ZFP64: variants seen among roughly 807,000 people sequenced by gnomAD.
ZFP64 encodes zinc finger protein 64.
ZFP64 carries 14 observed loss-of-function variants against 51.6 expected under a neutral mutation model. The observed-to-expected ratio is 0.27, with a 90% CI of 0.18 to 0.42. The LOEUF is 0.42. ZFP64 is among the 10% of genes least tolerant of loss of function. ZFP64 has a pLI of 1.00. For missense variants in ZFP64, 754 were observed against 906.8 expected, an observed-to-expected ratio of 0.83 and a Z score of 2.16; for synonymous variants, 375 against 361.4, an observed-to-expected ratio of 1.04 and a Z score of -0.43.
intron 6 of ZFP64, chr20:52,098,430 A>T: frequency 6.2e-7 from 1 of 1,613,546 alleles, no homozygotes; most frequent in Non-Finnish European, 8.5e-7. Context: ...GCAGGGTTTT[A>T]CTCTTACCTG....
At chr20:52,093,690 G>A (rs904334619) in intron 7 of ZFP64, among the ~76,000 whole-genome samples, 1 of 152,036 alleles carries the variant, frequency 6.6e-6, no homozygotes, top group Non-Finnish European at 1.5e-5. Context: ...TTGCAATTAG[G>A]GTAGTTAATA....
Position 52,152,381 on chromosome 20 carries a change from A to G in ZFP64, c.1811T>C (p.Ile604Thr). 1 of 1,614,208 alleles carries G rather than the reference A, an allele frequency of 6.2e-7. No individual in the cohort carries two copies. The highest frequency in any genetic ancestry group is 8.5e-7 in the Non-Finnish European group (1 of 1,180,042). The part of the protein sequence containing the change: ...PQEGSGNQTF[I>T]TSSGITCTDF... ...AGTGCAAGTAATACCCGAACTGGTA[A>G]TGAAAGTTTGATTGCCAGAGCCTTC... Residue 604 changes from isoleucine to threonine, a missense_variant, in exon 6 of 6, where the codon ATT (isoleucine) becomes ACT (threonine). This residue lies in a region of ZFP64 where 428 missense variants were observed against 472.4 expected (regional missense o/e 0.91). Transcript: ENST00000216923.
intron 5 of ZFP64, among the ~76,000 whole-genome samples, chr20:52,109,078 G>A (rs1414050098): frequency 6.6e-6 from 1 of 152,076 alleles, no homozygotes; most frequent in Non-Finnish European, 1.5e-5. Flanking sequence ...GCAAATTAAA[G>A]TGAAGAAGAC....
intron 5 of ZFP64, among the ~76,000 whole-genome samples, chr20:52,111,527 T>C (rs959172439): frequency 7.9e-4 from 120 of 152,150 alleles, no homozygotes; most frequent in Non-Finnish European, 1.1e-3. Flanking sequence ...CGATTTTTTT[T>C]TTTAATAGTT....
Position 52,151,929 on chromosome 20 carries a change from C to T in ZFP64, c.*217G>A. On this transcript the variant is annotated 3_prime_UTR_variant, in exon 6 of 6. Transcript: ENST00000216923. ...TCGTACACCTGTGGTCCCAGCTACTCGGAGGGCTGAGGCATGAGAATCGCT... is the reference window on the plus strand; with the variant it reads ...TCGTACACCTGTGGTCCCAGCTACTTGGAGGGCTGAGGCATGAGAATCGCT... 3.5e-6 allele frequency: 4 copies of T among 1,145,812 alleles called. No homozygotes were observed. Among genetic ancestry groups the T allele is most frequent in the Non-Finnish European group, 4.7e-6 (4 of 856,104 alleles). The allele number at this position is 1,145,812 out of a possible 1,614,324, so 71.0% of individuals were successfully genotyped here. A position where few individuals can be genotyped will look rare whatever the true frequency, so the allele number is the denominator to read the frequency against.
intron 5 of ZFP64, among the ~76,000 whole-genome samples, chr20:52,120,492 T>C (rs1190816283): frequency 6.6e-6 from 1 of 151,760 alleles, no homozygotes. Context: ...AGACACTGTG[T>C]GTTTTTTTCT....
intron 5 of ZFP64, among the ~76,000 whole-genome samples, chr20:52,115,008 T>G (rs540772308): frequency 3.2e-4 from 49 of 151,968 alleles, no homozygotes; most frequent in Admixed American, 2.2e-3. Flanking sequence ...CCATCCTGGC[T>G]AACACTGTGA....
chr20:52,137,044 T>G (rs551214621), intron 5 of ZFP64, among the ~76,000 whole-genome samples: 1 of 152,252 alleles, frequency 6.6e-6, no homozygotes, highest in South Asian at 2.1e-4. Flanking sequence ...GGATTACAGG[T>G]GTGAGCCACC....
downstream of ZFP64, among the ~76,000 whole-genome samples, chr20:52,150,201 C>A (rs528997510): frequency 4.2e-3 from 259 of 61,042 alleles, no homozygotes; most frequent in African/African-American, 0.027. Flanking sequence ...TGAGACTCCA[C>A]CTCAAAAAAA....
chr20:52,130,469 C>T (rs1233543914), intron 5 of ZFP64, among the ~76,000 whole-genome samples: 2 of 152,170 alleles, frequency 1.3e-5, no homozygotes, highest in African/African-American at 2.4e-5. Flanking sequence ...CTGCCTCGGC[C>T]TCCCAAAGTG....
At chr20:52,107,914 C>T (rs917521397) in intron 5 of ZFP64, among the ~76,000 whole-genome samples, 1 of 152,230 alleles carries the variant, frequency 6.6e-6, no homozygotes, top group African/African-American at 2.4e-5. Flanking sequence ...TTAACTTACA[C>T]TTCCCTAGCA....
chr20:52,105,558 A>C (rs1304037576), intron 5 of ZFP64: 1 of 258,692 alleles, frequency 3.9e-6, no homozygotes, highest in Non-Finnish European at 7.2e-6. Context: ...GGTGATTCGC[A>C]TGCACATTAA....
chr20:52,150,555 A>G (rs76859592), downstream of ZFP64, among the ~76,000 whole-genome samples: 1 of 152,098 alleles, frequency 6.6e-6, no homozygotes, highest in Non-Finnish European at 1.5e-5. Context: ...CTTACCAAAA[A>G]CATAGTTAAT....
intron 7 of ZFP64, among the ~76,000 whole-genome samples, chr20:52,094,477 C>CCCA (rs2078962540): frequency 6.6e-6 from 1 of 152,076 alleles, no homozygotes; most frequent in Non-Finnish European, 1.5e-5. Context: ...CAATATAGGG[C>CCCA]TGGGGGGGAA....
At chr20:52,115,504 T>C (rs1978818753) in intron 5 of ZFP64, among the ~76,000 whole-genome samples, 2 of 151,268 alleles carry the variant, frequency 1.3e-5, no homozygotes, top group Admixed American at 6.6e-5. Context: ...AACCTTGACT[T>C]CCCAGGCTCC....
At chr20:52,180,706 G>A (rs761264227) in intron 2 of ZFP64, among the ~76,000 whole-genome samples, 4 of 152,116 alleles carry the variant, frequency 2.6e-5, no homozygotes, top group African/African-American at 4.8e-5. Flanking sequence ...GTGACAGCTC[G>A]AAATGGCTTC....
At chr20:52,106,411 A>G (rs929349421) in intron 5 of ZFP64, among the ~76,000 whole-genome samples, 2 of 152,052 alleles carry the variant, frequency 1.3e-5, no homozygotes, top group Admixed American at 1.3e-4. Flanking sequence ...TTGTTTCAAA[A>G]AGACCCAGCC....
chr20:52,183,985 G>A (rs1228618470), intron 2 of ZFP64, among the ~76,000 whole-genome samples: 4 of 152,130 alleles, frequency 2.6e-5, no homozygotes, highest in African/African-American at 9.7e-5. Flanking sequence ...AAAGTAGCAC[G>A]GACTATAGGC....
chr20:52,133,518 G>C (rs1387904550), intron 5 of ZFP64, among the ~76,000 whole-genome samples: 1 of 151,816 alleles, frequency 6.6e-6, no homozygotes, highest in Non-Finnish European at 1.5e-5. Context: ...AAAGTTGTAG[G>C]ATACAAAATC....
Sources: gnomAD v4.1 joint callset for allele counts (sites outside exome capture counted in the v4.1 genomes callset) on GRCh38, gnomAD v4.1.1 for gene constraint, gnomAD v4.1.1 regional missense constraint, MANE v1.5 for transcripts, NCBI Gene and HGNC (gene_info 2026-07-23, HGNC 2026-07-21) for gene names.